Variants in TCF7L1 observed in about 807,000 individuals in gnomAD.
TCF7L1 encodes transcription factor 7 like 1, also known as transcription factor 7-like 1.
A neutral mutation model predicts 63.7 loss-of-function variants in TCF7L1; 18 were observed. That is an observed-to-expected ratio of 0.28 (90% CI 0.20 to 0.42). The LOEUF (loss-of-function observed/expected upper bound fraction) is 0.42. Among genes scored for constraint, TCF7L1 ranks in the 10% least tolerant of loss-of-function variants. TCF7L1 has a pLI of 1.00. For synonymous variants in TCF7L1, 355 were observed against 340.9 expected (o/e 1.04, Z -0.46); for missense variants, 654 against 779.3 (o/e 0.84, Z 1.91).
chr2:85,223,178 C>T (rs1050371989), intron 3 of TCF7L1, among the ~76,000 whole-genome samples: 4 of 152,170 alleles, frequency 2.6e-5, no homozygotes, highest in African/African-American at 7.2e-5. Context: ...AACTCCTGGG[C>T]CCAAGCAATC....
At chr2:85,167,616 C>T (rs1462898910) in intron 3 of TCF7L1, among the ~76,000 whole-genome samples, 4 of 152,150 alleles carry the variant, frequency 2.6e-5, no homozygotes, top group Non-Finnish European at 4.4e-5. Context: ...TATTCCCCAG[C>T]ACTTTGGGAG....
chr2:85,153,503 G>A (rs1161455022), intron 3 of TCF7L1, among the ~76,000 whole-genome samples: 4 of 151,644 alleles, frequency 2.6e-5, no homozygotes, highest in Non-Finnish European at 2.9e-5. Flanking sequence ...CACCACGCCC[G>A]GCTAATTTTT....
intron 3 of TCF7L1, among the ~76,000 whole-genome samples, chr2:85,194,865 T>C (rs947488585): frequency 2.0e-5 from 3 of 152,224 alleles, no homozygotes; most frequent in Non-Finnish European, 4.4e-5. Context: ...GCACACTGGT[T>C]CAAGTTTAAT....
chr2:85,159,464 C>A (rs1678230127), intron 3 of TCF7L1, among the ~76,000 whole-genome samples: 1 of 152,222 alleles, frequency 6.6e-6, no homozygotes, highest in Non-Finnish European at 1.5e-5. Context: ...TGGTGGTTGT[C>A]TGCATGCCCA....
chr2:85,266,214 C>T (rs934844426), intron 3 of TCF7L1, among the ~76,000 whole-genome samples: 3 of 152,198 alleles, frequency 2.0e-5, no homozygotes, highest in African/African-American at 7.2e-5. Flanking sequence ...AGTGAACATC[C>T]TTGCAGCTAT....
intron 3 of TCF7L1, among the ~76,000 whole-genome samples, chr2:85,159,921 C>A (rs957341601): frequency 2.6e-5 from 4 of 152,216 alleles, no homozygotes; most frequent in Admixed American, 2.6e-4. Context: ...CTCCTGTCCC[C>A]AGGCTCCCTG....
At chr2:85,273,524 A>G (rs1284162497) in intron 3 of TCF7L1, among the ~76,000 whole-genome samples, 1 of 152,208 alleles carries the variant, frequency 6.6e-6, no homozygotes, top group Non-Finnish European at 1.5e-5. Context: ...TTGTATGGGC[A>G]AGGGTGTGGG....
At chr2:85,305,198 G>T (rs1682077984) in intron 7 of TCF7L1, 62 bp from the exon 8 acceptor site, 1 of 1,611,554 alleles carries the variant, frequency 6.2e-7, no homozygotes. Context: ...CGTGTCCTCT[G>T]CTGGGTGGCA....
At position 85,222,201 on chromosome 2, in the gene TCF7L1, C is replaced by T. The variant is rs182893721; in HGVS notation, c.442-61294C>T. On this transcript the variant is annotated intron_variant, in intron 3 of 11. Coordinates refer to ENST00000282111, the MANE Select transcript of TCF7L1 (RefSeq NM_031283.3). ...TACTAAAAATACAAAATTAAGCGGG[C>T]GTGGTGGCGCACGCCTGTAATCCCA... Among the ~76,000 whole-genome samples the T allele has an allele frequency of 2.2e-3, 342 of 152,060 alleles. 4 individuals carry two copies. The highest frequency in any genetic ancestry group is 8.0e-3 in the African/African-American group (331 of 41,490).
At chr2:85,158,693 A>G (rs112737126) in intron 3 of TCF7L1, among the ~76,000 whole-genome samples, 4 of 152,194 alleles carry the variant, frequency 2.6e-5, no homozygotes, top group African/African-American at 9.7e-5. Flanking sequence ...TTTCATCTAC[A>G]TGTCCAGCTT....
chr2:85,258,399 C>A (rs1680774604), intron 3 of TCF7L1, among the ~76,000 whole-genome samples: 1 of 152,170 alleles, frequency 6.6e-6, no homozygotes, highest in Non-Finnish European at 1.5e-5. Context: ...CACTGGTGTG[C>A]ACACCTATAG....
At chr2:85,205,880 C>T (rs1163934306) in intron 3 of TCF7L1, among the ~76,000 whole-genome samples, 1 of 152,230 alleles carries the variant, frequency 6.6e-6, no homozygotes, top group Non-Finnish European at 1.5e-5. Context: ...TTCTTTAAAA[C>T]AGTGGACTTG....
intron 3 of TCF7L1, among the ~76,000 whole-genome samples, chr2:85,270,071 G>A (rs1681113694): frequency 6.6e-6 from 1 of 152,200 alleles, no homozygotes; most frequent in Admixed American, 6.5e-5. Flanking sequence ...CAGGAGCCGC[G>A]GGGAAGGGTT....
chr2:85,262,401 A>T, intron 3 of TCF7L1: 1 of 388,908 alleles, frequency 2.6e-6, no homozygotes, highest in Non-Finnish European at 5.2e-6. Flanking sequence ...AGAAAAAAAA[A>T]AAAACTAAAA....
intron 3 of TCF7L1, among the ~76,000 whole-genome samples, chr2:85,216,172 A>T (rs1440459155): frequency 6.6e-6 from 1 of 152,090 alleles, no homozygotes; most frequent in Non-Finnish European, 1.5e-5. Context: ...TGCAGATTTT[A>T]TTCAAAAGGG....
At chr2:85,233,727 C>T (rs543868302) in intron 3 of TCF7L1, 1 of 152,312 alleles carries the variant, frequency 6.6e-6, no homozygotes, top group Non-Finnish European at 1.5e-5. Flanking sequence ...CTGGGCATCC[C>T]CTTTGTAGTG....
chr2:85,172,298 C>T (rs1040480427), intron 3 of TCF7L1, among the ~76,000 whole-genome samples: 1 of 152,158 alleles, frequency 6.6e-6, no homozygotes, highest in African/African-American at 2.4e-5. Flanking sequence ...AGCTGACCTC[C>T]CCGTGGCCCC....
chr2:85,137,902 A>G (rs902021924), intron 3 of TCF7L1, among the ~76,000 whole-genome samples: 1 of 152,048 alleles, frequency 6.6e-6, no homozygotes, highest in African/African-American at 2.4e-5. Flanking sequence ...CAAAAAAAAA[A>G]AAAAAAAGAA....
In TCF7L1 at chr2:85,159,295, C is replaced by T. The variant is rs1223879785; in HGVS notation, c.441+24845C>T. Among the ~76,000 whole-genome samples, 4 of 152,228 alleles carry T rather than the reference C, an allele frequency of 2.6e-5. No homozygotes were observed. The East Asian group carries it at 7.8e-4, about 30-fold the overall frequency. ...CTCCTCCTGATGGTGCCCAGGCGCC[C>T]GGGGCTCCCTGGGCAGACCATTCAC... On this transcript the variant is annotated intron_variant, in intron 3 of 11. Transcript: ENST00000282111.
Sources: gnomAD v4.1 joint callset for allele counts (sites outside exome capture counted in the v4.1 genomes callset) on GRCh38, gnomAD v4.1.1 for gene constraint, MANE v1.5 for transcripts, NCBI Gene and HGNC (gene_info 2026-07-23, HGNC 2026-07-21) for gene names.